Variants in FHOD3 observed in about 807,000 individuals in gnomAD.
The protein encoded by FHOD3 is FH1/FH2 domain-containing protein 3.
FHOD3 carries 90 observed loss-of-function variants against 173.0 expected under a neutral mutation model. That is an observed-to-expected ratio of 0.52 (90% CI 0.44 to 0.62). The LOEUF (loss-of-function observed/expected upper bound fraction) is 0.62, where lower values mean the gene tolerates loss of function less well. Ranked by LOEUF, FHOD3 falls within the 20% of genes least tolerant of loss-of-function variation. FHOD3 has a pLI of 0.00. For missense variants in FHOD3, 1,945 were observed against 2,034.7 expected (o/e 0.96, Z 0.85); for synonymous variants, 828 against 823.0 (o/e 1.01, Z -0.10).
intron 5 of FHOD3, chr18:36,544,831 A>C (rs1363758560): frequency 6.6e-6 from 1 of 152,220 alleles, no homozygotes; most frequent in Non-Finnish European, 1.5e-5. Context: ...CTTTTCCAGC[A>C]ATATAAAAAG....
At chr18:36,760,808 T>C in intron 27 of FHOD3, 26 bp downstream of exon 27, 1 of 1,584,490 alleles carries the variant, frequency 6.3e-7, no homozygotes, top group East Asian at 2.3e-5. Flanking sequence ...GCGGGGCTCG[T>C]CTTGTCTTCT....
At chr18:36,554,690 C>G (rs2057801435) in intron 5 of FHOD3, among the ~76,000 whole-genome samples, 1 of 152,206 alleles carries the variant, frequency 6.6e-6, no homozygotes, top group South Asian at 2.1e-4. Context: ...TATAATTCAC[C>G]AATGCAGCCA....
chr18:36,577,991 G>T (rs1274593727), intron 6 of FHOD3, among the ~76,000 whole-genome samples: 4 of 152,176 alleles, frequency 2.6e-5, no homozygotes, highest in Non-Finnish European at 5.9e-5. Context: ...GTGCTGTACG[G>T]GTGGCACGTT....
At chr18:36,750,414 A>G (rs2042353757) in intron 24 of FHOD3, among the ~76,000 whole-genome samples, 1 of 152,010 alleles carries the variant, frequency 6.6e-6, no homozygotes, top group Non-Finnish European at 1.5e-5. Flanking sequence ...GTGTGCAAAA[A>G]TTTTCGCCCA....
At position 36,474,226 on chromosome 18, in the gene FHOD3, G is replaced by T. The variant is rs1027798665; in HGVS notation, c.338-27706G>T. ...AACCAGGGACAAGTAGACTCCAAAA[G>T]ATTTTCCTGTCCTTTTATTTTACTG... On this transcript the variant is annotated intron_variant, in intron 3 of 28. Transcript: ENST00000590592. Among the ~76,000 whole-genome samples, 18 of 152,284 alleles carry T rather than the reference G, an allele frequency of 1.2e-4. 1 individual carries two copies. In the South Asian group the frequency reaches 3.7e-3, roughly 32 times the overall value.
intron 28 of FHOD3, among the ~76,000 whole-genome samples, chr18:36,770,045 AC>A (rs1394617095): frequency 6.6e-6 from 1 of 152,140 alleles, no homozygotes; most frequent in Non-Finnish European, 1.5e-5. Flanking sequence ...GCTCCTGCCC[AC>A]CCAACTCATG....
chr18:36,366,301 A>G (rs1049136220), intron 2 of FHOD3, among the ~76,000 whole-genome samples: 3 of 152,202 alleles, frequency 2.0e-5, no homozygotes, highest in Admixed American at 1.3e-4. Flanking sequence ...ACAAAAATGA[A>G]GCAAGAGACA....
intron 2 of FHOD3, among the ~76,000 whole-genome samples, chr18:36,359,557 A>AGTT (rs1249124597): frequency 2.0e-5 from 3 of 152,178 alleles, no homozygotes; most frequent in Non-Finnish European, 4.4e-5. Context: ...CTCTGATAGG[A>AGTT]GTTCATAAAA....
intron 14 of FHOD3, among the ~76,000 whole-genome samples, chr18:36,658,391 A>G (rs1164461166): frequency 6.6e-6 from 1 of 152,196 alleles, no homozygotes. Flanking sequence ...TGATATTTTA[A>G]TATTAGCGTC....
intron 6 of FHOD3, among the ~76,000 whole-genome samples, chr18:36,590,092 A>C (rs886658995): frequency 2.6e-5 from 4 of 152,058 alleles, no homozygotes; most frequent in African/African-American, 9.7e-5. Flanking sequence ...TTGCTGCCAC[A>C]CTGGGCCTGC....
intron 8 of FHOD3, among the ~76,000 whole-genome samples, chr18:36,603,560 G>A (rs1166989311): frequency 1.3e-5 from 2 of 151,960 alleles, no homozygotes; most frequent in Middle Eastern, 3.2e-3. Flanking sequence ...CTGGAGTGCA[G>A]TGGCACGATC....
chr18:36,341,883 T>A lies in FHOD3; in HGVS notation c.166-13656T>A, dbSNP rs560850742. 2.0e-5 allele frequency among the ~76,000 whole-genome samples: 3 copies of A among 152,182 alleles called. No individual in the cohort carries two copies. The East Asian group carries it at 5.8e-4, about 29-fold the overall frequency. On this transcript the variant is annotated intron_variant, in intron 1 of 28. Coordinates refer to ENST00000590592, the MANE Select transcript of FHOD3 (RefSeq NM_001281740.3). ...ATTCAATAAAGATTTATTCGATATA[T>A]CCAGAGTCATGACCAAGAAAAAAAG...
chr18:36,539,428 G>A (rs1163341389), intron 5 of FHOD3, among the ~76,000 whole-genome samples: 9 of 152,324 alleles, frequency 5.9e-5, no homozygotes, highest in African/African-American at 1.4e-4. Context: ...AGGCCATTGC[G>A]TAGAAAGTGT....
At position 36,740,808 on chromosome 18, in the gene FHOD3, A is replaced by G. The variant is rs756082227; in HGVS notation, c.3729A>G (p.Ala1243=). Residue 1243 remains alanine, a synonymous_variant, in exon 21 of 29, where the codon GCA becomes GCG. Coordinates refer to ENST00000590592, the MANE Select transcript of FHOD3 (RefSeq NM_001281740.3). ...SELSARLHLW[A]FKMDYETTEK... is the part of the protein sequence containing the mutation. ...TCTCTGCACGACTTCACCTCTGGGC[A>G]TTCAAAATGGATTATGAAACTACAG... 1 of 1,611,710 alleles carries G rather than the reference A, an allele frequency of 6.2e-7. No homozygotes were observed. Among genetic ancestry groups the G allele is most frequent in the Non-Finnish European group, 8.5e-7 (1 of 1,179,432 alleles).
At chr18:36,602,131 C>T (rs1341772316) in intron 7 of FHOD3, among the ~76,000 whole-genome samples, 1 of 152,242 alleles carries the variant, frequency 6.6e-6, no homozygotes, top group Non-Finnish European at 1.5e-5. Context: ...TTGAGGGCAG[C>T]TGCCCAGTAG....
At chr18:36,341,262 A>G (rs1020392723) in intron 1 of FHOD3, among the ~76,000 whole-genome samples, 1 of 152,214 alleles carries the variant, frequency 6.6e-6, no homozygotes, top group African/African-American at 2.4e-5. Flanking sequence ...TTAGCTATTA[A>G]AAGTTAGATG....
At chr18:36,305,176 T>C (rs762490990) in intron 1 of FHOD3, among the ~76,000 whole-genome samples, 1 of 152,224 alleles carries the variant, frequency 6.6e-6, no homozygotes, top group Non-Finnish European at 1.5e-5. Flanking sequence ...CAGAAGTTTC[T>C]CTGTTTTTAG....
chr18:36,516,366 G>C (rs905838612), intron 5 of FHOD3, among the ~76,000 whole-genome samples: 1 of 152,232 alleles, frequency 6.6e-6, no homozygotes, highest in African/African-American at 2.4e-5. Context: ...CGGCCATGAG[G>C]TGGGGGGAGA....
intron 3 of FHOD3, among the ~76,000 whole-genome samples, chr18:36,419,315 T>C (rs2049860657): frequency 6.6e-6 from 1 of 151,904 alleles, no homozygotes; most frequent in Non-Finnish European, 1.5e-5. Flanking sequence ...ACTATTCCTC[T>C]TGAGTTCAAG....
Sources: gnomAD v4.1 joint callset for allele counts (sites outside exome capture counted in the v4.1 genomes callset) on GRCh38, gnomAD v4.1.1 for gene constraint, MANE v1.5 for transcripts, NCBI Gene and HGNC (gene_info 2026-07-23, HGNC 2026-07-21) for gene names.